Variants in PEAK3 observed in about 807,000 individuals in gnomAD.
The protein encoded by PEAK3 is protein PEAK3.
PEAK3 carries 15 observed loss-of-function variants against 13.3 expected under a neutral mutation model. The ratio of observed to expected loss-of-function variants is 1.13; its 90% CI spans 0.75 to 1.73. The LOEUF (loss-of-function observed/expected upper bound fraction) is 1.73. Among genes scored for constraint, PEAK3 ranks in the 40% most tolerant of loss-of-function variants. PEAK3 has a pLI of 0.00. For synonymous variants in PEAK3, 347 were observed against 341.9 expected, an observed-to-expected ratio of 1.01 and a Z score of -0.17; for missense variants, 739 against 690.2, an observed-to-expected ratio of 1.07 and a Z score of -0.79.
intron 2 of PEAK3, among the ~76,000 whole-genome samples, chr19:2,280,059 T>C (rs2025426165): frequency 1.0e-5 from 1 of 95,760 alleles, no homozygotes; most frequent in Admixed American, 1.2e-4. Flanking sequence ...TGGCCTTTTT[T>C]TTTTTTTTTT....
Position 2,276,067 on chromosome 19 carries a change from CG to C in PEAK3, c.1034del (p.Pro345ArgfsTer37). On this transcript the variant is annotated frameshift_variant, in exon 4 of 4. Coordinates refer to ENST00000342063, the MANE Select transcript of PEAK3 (RefSeq NM_198532.3). LOFTEE classifies it low-confidence loss of function (END_TRUNC). ...CLQPPGPPGS[P>X]GPHAPQLGSL... ...TGCCCAGCTGCGGCGCGTGGGGGCC[CG>C]GGGATCCCGGGGGTCCAGGGGGCTG... 2.1e-6 allele frequency: 3 copies of C among 1,458,986 alleles called. No homozygotes were observed. Among genetic ancestry groups the C allele is most frequent in the Non-Finnish European group, 9.0e-7 (1 of 1,105,572 alleles). The allele number at this position is 1,458,986 out of a possible 1,614,324, so 90.4% of individuals were successfully genotyped here.
At position 2,276,267 on chromosome 19, in the gene PEAK3, A is replaced by C; in HGVS notation, c.835T>G (p.Trp279Gly). Residue 279 changes from tryptophan to glycine, a missense_variant, in exon 4 of 4, where the codon TGG becomes GGG. Coordinates refer to ENST00000342063, the MANE Select transcript of PEAK3 (RefSeq NM_198532.3). ...ACTQPPEEFVWAVALLLLQLS... is the reference protein window; with the variant it reads ...ACTQPPEEFVGAVALLLLQLS... ...TGCAGCAGCAGCAGGGCCACAGCCC[A>C]CACGAACTCCTCCGGCGGCTGCGTG... The C allele has an allele frequency of 6.3e-7, 1 of 1,593,040 alleles. No individual in the cohort carries two copies. The highest frequency in any genetic ancestry group is 8.5e-7 in the Non-Finnish European group (1 of 1,175,988).
At chr19:2,277,769 G>T (rs2025403697) in intron 3 of PEAK3, among the ~76,000 whole-genome samples, 1 of 151,414 alleles carries the variant, frequency 6.6e-6, no homozygotes, top group African/African-American at 2.4e-5. Context: ...GTTTCACTAT[G>T]TTGGCCAGGC....
intron 2 of PEAK3, among the ~76,000 whole-genome samples, chr19:2,280,044 G>A (rs1023335465): frequency 9.5e-5 from 12 of 126,842 alleles, no homozygotes; most frequent in Non-Finnish European, 1.3e-4. Context: ...TTGAACCATT[G>A]CACCTGGCCT....
At chr19:2,281,854 C>A (rs10426760) in intron 1 of PEAK3, among the ~76,000 whole-genome samples, 25 of 152,314 alleles carry the variant, frequency 1.6e-4, no homozygotes, top group African/African-American at 5.5e-4. Context: ...GGGAAGGACC[C>A]CCCTCTGCAC....
At position 2,276,488 on chromosome 19, in the gene PEAK3, AC is replaced by A; in HGVS notation, c.613del (p.Val205CysfsTer84). The A allele has an allele frequency of 1.3e-6, 2 of 1,527,436 alleles. No homozygotes were observed. The highest frequency in any genetic ancestry group is 8.7e-7 in the Non-Finnish European group (1 of 1,144,070). The allele number at this position is 1,527,436 out of a possible 1,614,324, so 94.6% of individuals were successfully genotyped here. A position where few individuals can be genotyped will look rare whatever the true frequency, so the allele number is the denominator to read the frequency against. On this transcript the variant is annotated frameshift_variant and splice_region_variant, in exon 4 of 4. Transcript: ENST00000342063. LOFTEE classifies it low-confidence loss of function (END_TRUNC). ...GGGCACGTCCGCCCCGGGCTTGGGC[AC>A]CTGCAAGGCAGAGGGGGTGTCGGGG... ...EDAWHILVAKVPKPGADVPHP... is the reference protein window; with the variant it reads ...EDAWHILVAKXPKPGADVPHP...
chr19:2,280,229 A>T (rs2025427756), intron 2 of PEAK3, among the ~76,000 whole-genome samples: 1 of 150,166 alleles, frequency 6.7e-6, no homozygotes, highest in Non-Finnish European at 1.5e-5. Context: ...TGTCTGGCTA[A>T]TTTTTGTATT....
chr19:2,281,949 A>G (rs1370339065), intron 1 of PEAK3, 138 bp downstream of exon 1: 1 of 153,068 alleles, frequency 6.5e-6, no homozygotes, highest in Non-Finnish European at 1.5e-5. Context: ...GGACCCAGGG[A>G]TCCACACTCA....
At chr19:2,280,807 C>A (rs777036390) in intron 2 of PEAK3, 43 bp downstream of exon 2, 1 of 1,503,084 alleles carries the variant, frequency 6.7e-7, no homozygotes, top group South Asian at 1.2e-5. Context: ...CCCTGCCGCT[C>A]CCTGCACCCC....
intron 3 of PEAK3, among the ~76,000 whole-genome samples, 158 bp downstream of exon 3, chr19:2,278,426 G>T (rs1046864038): frequency 1.3e-5 from 2 of 152,204 alleles, no homozygotes; most frequent in African/African-American, 2.4e-5. Context: ...CTCCCAAAGT[G>T]CTGGGATGAC....
chr19:2,275,528 A>C lies in PEAK3; in HGVS notation c.*152T>G. On this transcript the variant is annotated 3_prime_UTR_variant, in exon 4 of 4. Transcript: ENST00000342063. ...CCTTGACCCACATCCCCAGCACGGG[A>C]GGGGAGGCTCTGGAGTGGGGCATTG... 1.6e-6 allele frequency: 1 copy of C among 642,528 alleles called. No homozygotes were observed. Among genetic ancestry groups the C allele is most frequent in the Non-Finnish European group, 2.3e-6 (1 of 442,700 alleles). The allele number at this position is 642,528 out of a possible 1,614,324, so 39.8% of individuals were successfully genotyped here.
chr19:2,276,433 G>A lies in PEAK3; in HGVS notation c.669C>T (p.Ser223=). The A allele has an allele frequency of 6.3e-7, 1 of 1,588,918 alleles. No homozygotes were observed. Among genetic ancestry groups the A allele is most frequent in the Non-Finnish European group, 8.5e-7 (1 of 1,171,744 alleles). Reference sequence around the variant, plus strand: ...CCTGCAGATTGAAGTGTGGAGACAGGGAGGCCTGCAGCTCCAGGCCCCACG... The same window carrying A: ...CCTGCAGATTGAAGTGTGGAGACAGAGAGGCCTGCAGCTCCAGGCCCCACG... ...PHPWGLELQA[S]LSPHFNLQGL... is the part of the protein sequence containing the mutation. The change falls in exon 4 of 4, where the codon TCC becomes TCT. Residue 223 remains serine, a synonymous_variant. Transcript: ENST00000342063.
chr19:2,280,422 G>T (rs757971749), intron 2 of PEAK3, among the ~76,000 whole-genome samples: 37 of 151,974 alleles, frequency 2.4e-4, no homozygotes, highest in Non-Finnish European at 4.7e-4. Flanking sequence ...ATGGCTCACT[G>T]CAGCCTTGAC....
Position 2,275,670 on chromosome 19 carries a change from T to G in PEAK3, c.*10A>C. 1 of 1,443,180 alleles carries G rather than the reference T, an allele frequency of 6.9e-7. No homozygotes were observed. The highest frequency in any genetic ancestry group is 9.1e-7 in the Non-Finnish European group (1 of 1,093,620). 89.4% of individuals were successfully genotyped at this position (1,443,180 alleles called of 1,614,324 possible). On this transcript the variant is annotated 3_prime_UTR_variant, in exon 4 of 4. Transcript: ENST00000342063. ...AGGCCTGGACCAGGTGTGTTCGCCCTGGGTTGGGGTCAGTCCCACAGCAGC... is the reference window on the plus strand; with the variant it reads ...AGGCCTGGACCAGGTGTGTTCGCCCGGGGTTGGGGTCAGTCCCACAGCAGC...
chr19:2,278,434 G>A (rs949751896), intron 3 of PEAK3, 150 bp downstream of exon 3: 2 of 876,512 alleles, frequency 2.3e-6, no homozygotes, highest in Middle Eastern at 3.8e-4. Flanking sequence ...GTGCTGGGAT[G>A]ACAGGCGTGA....
At position 2,275,626 on chromosome 19, in the gene PEAK3, C is replaced by T; in HGVS notation, c.*54G>A. 2 of 1,352,328 alleles carry T rather than the reference C, an allele frequency of 1.5e-6. No homozygotes were observed. Among genetic ancestry groups the T allele is most frequent in the South Asian group, 1.9e-5 (1 of 53,250 alleles). 83.8% of individuals were successfully genotyped at this position (1,352,328 alleles called of 1,614,324 possible). Reference sequence around the variant, plus strand: ...TATCATGGAGACGCTGACCTCAGCCCCAGCCCTGCCTCCTGGGCAGGCCTG... The same window carrying T: ...TATCATGGAGACGCTGACCTCAGCCTCAGCCCTGCCTCCTGGGCAGGCCTG... On this transcript the variant is annotated 3_prime_UTR_variant, in exon 4 of 4. Coordinates refer to ENST00000342063, the MANE Select transcript of PEAK3 (RefSeq NM_198532.3).
Position 2,279,031 on chromosome 19 carries a change from C to A in PEAK3, c.165G>T (p.Leu55=). The change falls in exon 3 of 4, where the codon CTG becomes CTT. Residue 55 remains leucine, a synonymous_variant. Coordinates refer to ENST00000342063, the MANE Select transcript of PEAK3 (RefSeq NM_198532.3). ...PGSLSTNPEP[L]PPPLPKKILT... ...GGATCTTCTTGGGCAGGGGTGGGGG[C>A]AGGGGCTCTGGGTTGGTGGAGAGGG... The A allele has an allele frequency of 5.3e-6, 8 of 1,509,780 alleles. No homozygotes were observed. Among genetic ancestry groups the A allele is most frequent in the South Asian group, 2.6e-5 (2 of 77,608 alleles). 93.5% of individuals were successfully genotyped at this position (1,509,780 alleles called of 1,614,324 possible).
intron 2 of PEAK3, among the ~76,000 whole-genome samples, chr19:2,279,788 C>T (rs2025423793): frequency 6.6e-6 from 1 of 151,630 alleles, no homozygotes; most frequent in Non-Finnish European, 1.5e-5. Flanking sequence ...CTTGCTCTGT[C>T]GCCCAGCCTG....
At chr19:2,279,849 A>T (rs1422399359) in intron 2 of PEAK3, among the ~76,000 whole-genome samples, 4 of 151,414 alleles carry the variant, frequency 2.6e-5, no homozygotes, top group African/African-American at 9.7e-5. Context: ...TCCTAGGTTC[A>T]AGCGATTCTC....
Sources: allele counts gnomAD v4.1 joint callset (sites outside exome capture counted in the v4.1 genomes callset), GRCh38; gene constraint gnomAD v4.1.1; transcripts MANE v1.5; gene names NCBI Gene and HGNC (gene_info 2026-07-23, HGNC 2026-07-21).